The following FAM193A variants were observed in gnomAD, a reference collection of about 807,000 sequenced individuals.
FAM193A encodes family with sequence similarity 193 member A.
FAM193A carries 22 observed loss-of-function variants against 126.5 expected under a neutral mutation model. The observed-to-expected ratio is 0.17, with a 90% CI of 0.12 to 0.25. FAM193A has a LOEUF of 0.25. Among genes scored for constraint, FAM193A ranks in the 10% least tolerant of loss-of-function variants. FAM193A has a pLI of 1.00. For missense variants in FAM193A, 1,675 were observed against 1,672.8 expected (o/e 1.00, Z -0.02); for synonymous variants, 761 against 646.8 (o/e 1.18, Z -2.68).
At chr4:2,567,449 A>G (rs1488968757) in intron 1 of FAM193A, among the ~76,000 whole-genome samples, 1 of 152,108 alleles carries the variant, frequency 6.6e-6, no homozygotes, top group African/African-American at 2.4e-5. Flanking sequence ...AATTTAGAGT[A>G]CTCCTAAGAT....
At chr4:2,565,062 G>A (rs1370026416) in intron 1 of FAM193A, among the ~76,000 whole-genome samples, 1 of 151,972 alleles carries the variant, frequency 6.6e-6, no homozygotes, top group Non-Finnish European at 1.5e-5. Flanking sequence ...GCCTCCCAAA[G>A]TACTGGGGGA....
chr4:2,616,984 C>T (rs1268489688), intron 2 of FAM193A, among the ~76,000 whole-genome samples: 1 of 146,130 alleles, frequency 6.8e-6, no homozygotes, highest in Admixed American at 6.7e-5. Context: ...GCTTGAGCAA[C>T]ACGAAGAAAC....
At chr4:2,619,564 C>T (rs1028982674) in intron 2 of FAM193A, among the ~76,000 whole-genome samples, 1 of 151,836 alleles carries the variant, frequency 6.6e-6, no homozygotes, top group African/African-American at 2.4e-5. Flanking sequence ...GATGGGGTTT[C>T]CTCATGTTGG....
intron 10 of FAM193A, among the ~76,000 whole-genome samples, chr4:2,660,771 T>G (rs1712342102): frequency 6.6e-6 from 1 of 152,254 alleles, no homozygotes; most frequent in Non-Finnish European, 1.5e-5. Context: ...TGACTTGTGT[T>G]CATTCCTTCT....
intron 19 of FAM193A, chr4:2,715,615 C>G: frequency 1.7e-6 from 1 of 593,356 alleles, no homozygotes; most frequent in Non-Finnish European, 2.2e-6. Flanking sequence ...TGGGCAGCTT[C>G]TGCTGGCAGC....
intron 6 of FAM193A, among the ~76,000 whole-genome samples, chr4:2,640,755 A>G (rs1225565593): frequency 6.6e-6 from 1 of 152,098 alleles, no homozygotes; most frequent in Non-Finnish European, 1.5e-5. Flanking sequence ...ACCTGAGGTC[A>G]GGAGTTTGAG....
At chr4:2,592,908 G>C (rs1740650289) in intron 1 of FAM193A, among the ~76,000 whole-genome samples, 1 of 152,218 alleles carries the variant, frequency 6.6e-6, no homozygotes, top group South Asian at 2.1e-4. Context: ...GCCAGGAGCA[G>C]TGTGTGTTCC....
At chr4:2,548,063 C>G (rs1172647590) in intron 1 of FAM193A, among the ~76,000 whole-genome samples, 1 of 140,160 alleles carries the variant, frequency 7.1e-6, no homozygotes, top group African/African-American at 2.6e-5. Context: ...TTTATCAAGA[C>G]TTTGCCTATT....
chr4:2,713,298 C>T (rs137972608), intron 19 of FAM193A, among the ~76,000 whole-genome samples: 5,126 of 129,192 alleles, frequency 0.04, 253 homozygotes, highest in African/African-American at 0.14. Context: ...CCCAGCTACT[C>T]GGGAGGCTGA....
intron 1 of FAM193A, among the ~76,000 whole-genome samples, chr4:2,578,529 A>G (rs1223191878): frequency 6.6e-6 from 1 of 152,044 alleles, no homozygotes; most frequent in Non-Finnish European, 1.5e-5. Context: ...GCTTAAGGGT[A>G]AACAGTGAGT....
intron 1 of FAM193A, among the ~76,000 whole-genome samples, chr4:2,551,693 G>A (rs1297429141): frequency 6.6e-6 from 1 of 150,734 alleles, no homozygotes; most frequent in Non-Finnish European, 1.5e-5. Flanking sequence ...CTTAATAGAG[G>A]TTTCATCATT....
chr4:2,594,766 T>C (rs1441174833), intron 1 of FAM193A, among the ~76,000 whole-genome samples: 2 of 151,290 alleles, frequency 1.3e-5, no homozygotes, highest in African/African-American at 4.9e-5. Context: ...CTTGGGACTT[T>C]AACCCCATTT....
At chr4:2,722,125 C>G (rs113086519) in intron 20 of FAM193A, among the ~76,000 whole-genome samples, 1 of 152,182 alleles carries the variant, frequency 6.6e-6, no homozygotes, top group Non-Finnish European at 1.5e-5. Context: ...GAGGACAGCA[C>G]GGCGCCACGG....
chr4:2,611,315 C>G (rs1451507475), intron 2 of FAM193A, among the ~76,000 whole-genome samples: 1 of 152,104 alleles, frequency 6.6e-6, no homozygotes, highest in African/African-American at 2.4e-5. Context: ...GTCACCCAGG[C>G]TGGAGTGCAG....
intron 13 of FAM193A, among the ~76,000 whole-genome samples, chr4:2,674,914 C>T (rs1714228067): frequency 6.6e-6 from 1 of 151,608 alleles, no homozygotes; most frequent in Non-Finnish European, 1.5e-5. Context: ...ATACCAGTGA[C>T]ATACCGAATT....
At chr4:2,718,521 C>T (rs1055605415) in intron 20 of FAM193A, among the ~76,000 whole-genome samples, 2 of 151,928 alleles carry the variant, frequency 1.3e-5, no homozygotes. Context: ...GAGGTCAGTT[C>T]AAGACCAGCC....
At chr4:2,663,724 T>C (rs1355540522) in intron 12 of FAM193A, among the ~76,000 whole-genome samples, 1 of 152,232 alleles carries the variant, frequency 6.6e-6, no homozygotes, top group African/African-American at 2.4e-5. Flanking sequence ...CCCAGCACTT[T>C]GGGAGGCCAA....
chr4:2,716,757 A>G (rs1577263769), intron 20 of FAM193A, among the ~76,000 whole-genome samples: 1 of 152,144 alleles, frequency 6.6e-6, no homozygotes, highest in African/African-American at 2.4e-5. Flanking sequence ...GCTCACTGCA[A>G]CCTCTGCCTC....
At chr4:2,658,844 G>A (rs1291959102) in intron 8 of FAM193A, among the ~76,000 whole-genome samples, 5 of 152,100 alleles carry the variant, frequency 3.3e-5, no homozygotes, top group Non-Finnish European at 5.9e-5. Flanking sequence ...TCTGCCTCCC[G>A]GGTTCAAGCG....
Sources: gnomAD v4.1 joint callset for allele counts (sites outside exome capture counted in the v4.1 genomes callset) on GRCh38, gnomAD v4.1.1 for gene constraint, MANE v1.5 for transcripts, NCBI Gene and HGNC (gene_info 2026-07-23, HGNC 2026-07-21) for gene names.